TAFA1: variants seen among roughly 807,000 people sequenced by gnomAD.
TAFA1 encodes TAFA chemokine like family member 1, also known as chemokine-like protein TAFA-1.
A neutral mutation model predicts 18.5 loss-of-function variants in TAFA1; 4 were observed. The observed-to-expected ratio is 0.22, with a 90% CI of 0.11 to 0.49. The LOEUF (loss-of-function observed/expected upper bound fraction) is 0.49. Ranked by LOEUF, TAFA1 falls within the 20% of genes least tolerant of loss-of-function variation. The probability of loss-of-function intolerance (pLI) is 0.98; values close to 1 mark genes in which losing one functional copy is unlikely to be tolerated. For synonymous variants in TAFA1, 56 were observed against 55.2 expected, an observed-to-expected ratio of 1.01 and a Z score of -0.06; for missense variants, 147 against 169.0, an observed-to-expected ratio of 0.87 and a Z score of 0.72.
At chr3:68,207,389 A>G (rs563865341) in intron 2 of TAFA1, among the ~76,000 whole-genome samples, 104 of 152,098 alleles carry the variant, frequency 6.8e-4, no homozygotes, top group Non-Finnish European at 1.3e-3. Flanking sequence ...AGTGAAAAAT[A>G]TGACCACATG....
At chr3:68,257,999 G>A (rs1310139982) in intron 2 of TAFA1, among the ~76,000 whole-genome samples, 1 of 152,140 alleles carries the variant, frequency 6.6e-6, no homozygotes, top group Non-Finnish European at 1.5e-5. Context: ...TCAAGGTCAT[G>A]AAACAGAAGG....
chr3:68,008,784 C>A (rs373675179), intron 2 of TAFA1, among the ~76,000 whole-genome samples: 1 of 152,052 alleles, frequency 6.6e-6, no homozygotes, highest in Non-Finnish European at 1.5e-5. Flanking sequence ...CATGGCAGAA[C>A]TAGTGAGTGG....
At chr3:68,015,650 C>T (rs1036437865) in intron 2 of TAFA1, among the ~76,000 whole-genome samples, 1 of 152,138 alleles carries the variant, frequency 6.6e-6, no homozygotes, top group Non-Finnish European at 1.5e-5. Context: ...AAAACAGAAG[C>T]ATCAAGCAGC....
At chr3:68,288,596 C>G (rs1232219935) in intron 2 of TAFA1, among the ~76,000 whole-genome samples, 2 of 152,158 alleles carry the variant, frequency 1.3e-5, no homozygotes, top group Non-Finnish European at 2.9e-5. Flanking sequence ...ACATTTTTGC[C>G]TATCTGCTTT....
intron 2 of TAFA1, among the ~76,000 whole-genome samples, chr3:68,218,626 C>T (rs1385668165): frequency 1.3e-5 from 2 of 152,086 alleles, no homozygotes; most frequent in African/African-American, 2.4e-5. Context: ...GAAAAGCATC[C>T]AGACAGAAGA....
intron 2 of TAFA1, among the ~76,000 whole-genome samples, chr3:68,140,582 C>T (rs2065657678): frequency 6.6e-6 from 1 of 152,152 alleles, no homozygotes; most frequent in Admixed American, 6.5e-5. Flanking sequence ...TTTCCTGCCA[C>T]TTACTTGACT....
intron 2 of TAFA1, among the ~76,000 whole-genome samples, chr3:68,058,230 G>C (rs1036295691): frequency 6.6e-6 from 1 of 152,094 alleles, no homozygotes; most frequent in Non-Finnish European, 1.5e-5. Flanking sequence ...CAACTTTAAG[G>C]CTTGGTTTCC....
intron 2 of TAFA1, among the ~76,000 whole-genome samples, chr3:68,354,244 C>G (rs1294222312): frequency 1.3e-5 from 2 of 151,622 alleles, no homozygotes; most frequent in East Asian, 1.9e-4. Flanking sequence ...TGTCAACATT[C>G]AAAAAGTGAA....
chr3:68,084,112 A>G (rs937153268), intron 2 of TAFA1, among the ~76,000 whole-genome samples: 7 of 152,140 alleles, frequency 4.6e-5, no homozygotes, highest in Non-Finnish European at 1.0e-4. Flanking sequence ...AGGTGACCAA[A>G]CACGTGATGT....
chr3:68,132,036 C>T (rs780366239), intron 2 of TAFA1, among the ~76,000 whole-genome samples: 3 of 152,154 alleles, frequency 2.0e-5, no homozygotes, highest in Non-Finnish European at 2.9e-5. Flanking sequence ...TCTAGCCCCT[C>T]ATCCCCCGGA....
chr3:68,354,062 T>C (rs1036324271), intron 2 of TAFA1, among the ~76,000 whole-genome samples: 1 of 151,954 alleles, frequency 6.6e-6, no homozygotes, highest in African/African-American at 2.4e-5. Flanking sequence ...ACCCTCGAGT[T>C]TTGACTATAG....
chr3:68,438,714 A>G (rs1405309922), intron 3 of TAFA1, among the ~76,000 whole-genome samples: 3 of 152,106 alleles, frequency 2.0e-5, no homozygotes. Flanking sequence ...ACATTCTTTG[A>G]AATCTAGGTG....
Position 68,049,334 on chromosome 3 carries a change from G to C in TAFA1, c.118+42590G>C, listed in dbSNP as rs554949190. Among the ~76,000 whole-genome samples the C allele has an allele frequency of 7.2e-5, 11 of 152,234 alleles. No homozygotes were observed. The South Asian group carries it at 2.3e-3, about 32-fold the overall frequency. ...TTGCTCAGCCACCAGGTGTCTATGT[G>C]ACAGGCAGAATGATTTCAGTGCCTC... On this transcript the variant is annotated intron_variant, in intron 2 of 4. Coordinates refer to ENST00000478136, the MANE Select transcript of TAFA1 (RefSeq NM_213609.4).
At chr3:68,470,847 A>C (rs2106946927) in intron 3 of TAFA1, among the ~76,000 whole-genome samples, 1 of 152,330 alleles carries the variant, frequency 6.6e-6, no homozygotes, top group Non-Finnish European at 1.5e-5. Flanking sequence ...AATTTGCATA[A>C]GTAACAAGGA....
chr3:68,366,990 T>G (rs1199144664), intron 2 of TAFA1, among the ~76,000 whole-genome samples: 1 of 152,216 alleles, frequency 6.6e-6, no homozygotes, highest in Non-Finnish European at 1.5e-5. Context: ...TGACTGTCCT[T>G]ACCCCCCAGT....
At chr3:67,992,880 T>C in the TAFA1 span, among the ~76,000 whole-genome samples, 1 of 152,164 alleles carries the variant, frequency 6.6e-6, no homozygotes, top group African/African-American at 2.4e-5. Flanking sequence ...GTAAATCCCC[T>C]CCTCCCCTGT....
intron 3 of TAFA1, among the ~76,000 whole-genome samples, chr3:68,481,713 T>C (rs2072240188): frequency 6.6e-6 from 1 of 152,212 alleles, no homozygotes; most frequent in Non-Finnish European, 1.5e-5. Flanking sequence ...CATAGGCATA[T>C]ATCAATATGT....
At chr3:68,538,621 T>G in intron 3 of TAFA1, 135 bp from the exon 4 acceptor site, 1 of 748,664 alleles carries the variant, frequency 1.3e-6, no homozygotes, top group South Asian at 2.1e-5. Flanking sequence ...TAATAGAGCT[T>G]TCTTAGCTAG....
intron 2 of TAFA1, among the ~76,000 whole-genome samples, chr3:68,017,223 C>T (rs78560719): frequency 3.9e-5 from 6 of 152,202 alleles, no homozygotes; most frequent in Non-Finnish European, 8.8e-5. Context: ...GGTTTTGTAG[C>T]TTTTTACATC....
Sources: gnomAD v4.1 joint callset for allele counts (sites outside exome capture counted in the v4.1 genomes callset) on GRCh38, gnomAD v4.1.1 for gene constraint, MANE v1.5 for transcripts, NCBI Gene and HGNC (gene_info 2026-07-23, HGNC 2026-07-21) for gene names.